SORL1: variants seen among roughly 807,000 people sequenced by gnomAD.
SORL1 encodes sortilin-related receptor.
SORL1 carries 127 observed loss-of-function variants against 273.7 expected under a neutral mutation model. The observed-to-expected ratio is 0.46, with a 90% confidence interval of 0.40 to 0.54. The LOEUF (loss-of-function observed/expected upper bound fraction) is 0.54, where lower values mean the gene tolerates loss of function less well. Ranked by LOEUF, SORL1 falls within the 20% of genes least tolerant of loss-of-function variation. The probability of loss-of-function intolerance (pLI) is 0.00; values close to 1 mark genes in which losing one functional copy is unlikely to be tolerated. For missense variants in SORL1, 2,494 were observed against 2,846.1 expected (o/e 0.88, Z 2.81); for synonymous variants, 1,031 against 1,067.4 (o/e 0.97, Z 0.66).
At position 121,460,394 on chromosome 11, in the gene SORL1, A is replaced by ATTT. The variant is rs781295199; in HGVS notation, c.285+7796_285+7798dup. Among the ~76,000 whole-genome samples the ATTT allele has an allele frequency of 6.3e-4, 77 of 122,922 alleles. 2 individuals are homozygous for ATTT. Among genetic ancestry groups the ATTT allele is most frequent in the East Asian group, 1.7e-3 (7 of 4,176 alleles). The allele number at this position is 122,922 out of a possible 152,430, so 80.6% of individuals were successfully genotyped here. The stretch of plus-strand genomic sequence containing the variant: ...GAGCTGAGGTGTAGTGTCATGATGA[A>ATTT]TTTTTTTTTTTTTTTTTTTTGAGAC... On this transcript the variant is annotated intron_variant, in intron 1 of 47. Transcript: ENST00000260197.
chr11:121,522,794 A>C (rs1862060790), intron 10 of SORL1, 91 bp downstream of exon 10: 1 of 1,369,136 alleles, frequency 7.3e-7, no homozygotes, highest in African/African-American at 1.4e-5. Flanking sequence ...TCCAGCAGTA[A>C]CCACGCTTTG....
intron 3 of SORL1, among the ~76,000 whole-genome samples, chr11:121,479,843 C>A (rs57377046): frequency 2.6e-5 from 4 of 152,178 alleles, no homozygotes; most frequent in Admixed American, 6.5e-5. Flanking sequence ...TAGGAGCAAA[C>A]TTCCCTTTCT....
chr11:121,462,366 CT>C lies in SORL1; in HGVS notation c.286-7637del, dbSNP rs1458209796. On this transcript the variant is annotated intron_variant, in intron 1 of 47. Transcript: ENST00000260197. Reference sequence around the variant, plus strand: ...GTCTGGGTCCATGTTCTCTGCCTCACTTTTCCATCCCCTTTTCCCTAACTCC... The same window carrying C: ...GTCTGGGTCCATGTTCTCTGCCTCACTTTCCATCCCCTTTTCCCTAACTCC... Among the ~76,000 whole-genome samples the C allele has an allele frequency of 3.3e-5, 5 of 152,306 alleles. No homozygotes were observed. In the East Asian group the frequency reaches 9.6e-4, roughly 29 times the overall value.
At chr11:121,574,426 G>C (rs1862895889) in intron 24 of SORL1, 63 bp downstream of exon 24, 1 of 1,499,938 alleles carries the variant, frequency 6.7e-7, no homozygotes, top group African/African-American at 1.4e-5. Flanking sequence ...CTCCCTCACA[G>C]GGCTGTACTG....
chr11:121,556,623 G>A (rs1053676162), intron 18 of SORL1, among the ~76,000 whole-genome samples: 1 of 152,218 alleles, frequency 6.6e-6, no homozygotes, highest in East Asian at 1.9e-4. Context: ...CTCAAATACT[G>A]TTGGTGCAAA....
rs147448972 is a variant in SORL1, at chr11:121,625,287, G to A, written c.6364+10G>A. On this transcript the variant is annotated intron_variant, in intron 46 of 47. Coordinates refer to ENST00000260197, the MANE Select transcript of SORL1 (RefSeq NM_003105.6). Reference sequence around the variant, plus strand: ...GATGAGCTGGGGTCTGGTGAGTTGCGATTGCTGCCCGTTTCTGTCTTCAGT... The same window carrying A: ...GATGAGCTGGGGTCTGGTGAGTTGCAATTGCTGCCCGTTTCTGTCTTCAGT... The A allele has an allele frequency of 2.0e-4, 321 of 1,598,750 alleles. 1 individual carries two copies. In the Middle Eastern group the frequency reaches 8.5e-3, roughly 42 times the overall value.
At chr11:121,610,273 C>A (rs1054011307) in intron 38 of SORL1, 2 of 152,234 alleles carry the variant, frequency 1.3e-5, no homozygotes, top group African/African-American at 4.8e-5. Flanking sequence ...CAAGCACTGT[C>A]AGCCATCTGG....
chr11:121,590,223 G>A, intron 30 of SORL1, 49 bp downstream of exon 30: 1 of 1,575,338 alleles, frequency 6.3e-7, no homozygotes, highest in African/African-American at 1.4e-5. Context: ...AGACACACCA[G>A]AATAGTTCCA....
At chr11:121,478,352 C>T (rs1046646961) in intron 3 of SORL1, 109 bp downstream of exon 3, 54 of 1,259,914 alleles carry the variant, frequency 4.3e-5, no homozygotes, top group Non-Finnish European at 5.4e-5. Flanking sequence ...ATCTTTGTAG[C>T]ATGACTGGTG....
At chr11:121,543,479 T>C (rs1862377611) in intron 12 of SORL1, 69 bp from the exon 13 acceptor site, 17 of 1,324,662 alleles carry the variant, frequency 1.3e-5, no homozygotes, top group Middle Eastern at 1.9e-4. Flanking sequence ...CTGGTGAATG[T>C]TATATGGAAA....
intron 31 of SORL1, among the ~76,000 whole-genome samples, chr11:121,593,018 T>A (rs1271225211): frequency 6.6e-6 from 1 of 152,224 alleles, no homozygotes; most frequent in Admixed American, 6.5e-5. Context: ...CTTCTTTGTT[T>A]AGTGTAGAAG....
At chr11:121,551,921 G>T (rs1365150358) in intron 16 of SORL1, among the ~76,000 whole-genome samples, 1 of 152,236 alleles carries the variant, frequency 6.6e-6, no homozygotes, top group Non-Finnish European at 1.5e-5. Context: ...TGATGAGGGC[G>T]TGGGTTAGTA....
At chr11:121,614,158 A>G (rs900963682) in intron 40 of SORL1, 4 of 152,254 alleles carry the variant, frequency 2.6e-5, no homozygotes, top group Non-Finnish European at 4.4e-5. Context: ...TCTGATCAGA[A>G]AGGGGATACA....
At chr11:121,540,339 C>T (rs1862327440) in intron 12 of SORL1, among the ~76,000 whole-genome samples, 1 of 151,838 alleles carries the variant, frequency 6.6e-6, no homozygotes, top group South Asian at 2.1e-4. Context: ...TTGATTTCTT[C>T]ATTCCTAAAG....
intron 39 of SORL1, 64 bp from the exon 40 acceptor site, chr11:121,612,672 C>T (rs867956017): frequency 8.6e-7 from 1 of 1,165,274 alleles, no homozygotes; most frequent in South Asian, 1.2e-5. Context: ...TTTAATCCTG[C>T]CTTTTGTATT....
In SORL1 at chr11:121,563,100, A is replaced by G. The variant is rs1316826264; in HGVS notation, c.3049+3443A>G. On this transcript the variant is annotated intron_variant, in intron 21 of 47. Coordinates refer to ENST00000260197, the MANE Select transcript of SORL1 (RefSeq NM_003105.6). This position sits in a 1 kb window ranked among gnomAD's most constrained non-coding sequence, Gnocchi z 4.2. ...TATGTACTATCAATATTTCCATTTT[A>G]TAGGTGAGAATATGAAAGTCTGGTT... Among the ~76,000 whole-genome samples the G allele has an allele frequency of 6.6e-6, 1 of 152,154 alleles. No individual in the cohort carries two copies. The highest frequency in any genetic ancestry group is 1.5e-5 in the Non-Finnish European group (1 of 68,036).
intron 19 of SORL1, among the ~76,000 whole-genome samples, chr11:121,558,015 GA>G (rs971431617): frequency 2.0e-5 from 3 of 152,070 alleles, no homozygotes; most frequent in African/African-American, 7.2e-5. Flanking sequence ...AGCACTTTAT[GA>G]AAAAAATTTG....
chr11:121,524,504 T>A (rs550326546), intron 11 of SORL1, among the ~76,000 whole-genome samples: 1 of 152,230 alleles, frequency 6.6e-6, no homozygotes, highest in Non-Finnish European at 1.5e-5. Flanking sequence ...ATTGTGAGTT[T>A]ATCTGTGTGA....
Position 121,627,360 on chromosome 11 carries a change from G to C in SORL1, c.6365-195G>C. The C allele has an allele frequency of 1.7e-6, 1 of 601,746 alleles. No homozygotes were observed. The highest frequency in any genetic ancestry group is 3.0e-6 in the Non-Finnish European group (1 of 337,000). The allele number at this position is 601,746 out of a possible 1,614,324, so 37.3% of individuals were successfully genotyped here. Reference sequence around the variant, plus strand: ...CCATATTTGCATGCACAAGGCCCTTGGTCTATCAGCTCATGGCAAGTAGTG... The same window carrying C: ...CCATATTTGCATGCACAAGGCCCTTCGTCTATCAGCTCATGGCAAGTAGTG... On this transcript the variant is annotated intron_variant, in intron 46 of 47. Coordinates refer to ENST00000260197, the MANE Select transcript of SORL1 (RefSeq NM_003105.6). The surrounding 1 kb of genome is among the most constrained non-coding windows in gnomAD (Gnocchi z 4.9).
Sources: allele counts gnomAD v4.1 joint callset (sites outside exome capture counted in the v4.1 genomes callset), GRCh38; gene constraint gnomAD v4.1.1; non-coding constraint Gnocchi (gnomAD v3.1); transcripts MANE v1.5; gene names NCBI Gene and HGNC (gene_info 2026-07-23, HGNC 2026-07-21).